CAMKMT: variants seen among roughly 807,000 people sequenced by gnomAD.
CAMKMT encodes CaM KMT.
CAMKMT carries 53 observed loss-of-function variants against 48.0 expected under a neutral mutation model. The observed-to-expected ratio is 1.10, with a 90% CI of 0.89 to 1.39. The LOEUF is 1.39. Ranked by LOEUF, CAMKMT falls within the 40% of genes most tolerant of loss-of-function variation. CAMKMT has a pLI of 0.00. For synonymous variants in CAMKMT, 165 were observed against 152.3 expected (o/e 1.08, Z -0.61); for missense variants, 428 against 402.7 (o/e 1.06, Z -0.54).
At chr2:44,419,163 A>G (rs1334272820) in intron 3 of CAMKMT, among the ~76,000 whole-genome samples, 2 of 152,236 alleles carry the variant, frequency 1.3e-5, no homozygotes, top group Non-Finnish European at 1.5e-5. Context: ...AACTAAAACT[A>G]CTTTTCCAGA....
At chr2:44,602,739 C>T (rs762220461) in intron 3 of CAMKMT, among the ~76,000 whole-genome samples, 7 of 151,996 alleles carry the variant, frequency 4.6e-5, no homozygotes, top group Non-Finnish European at 8.8e-5. Context: ...TATCAGATCT[C>T]ATGAGAACTC....
intron 3 of CAMKMT, among the ~76,000 whole-genome samples, chr2:44,555,327 C>G (rs6708106): frequency 0.018 from 2,718 of 152,220 alleles, 90 homozygotes; most frequent in African/African-American, 0.063. Context: ...GATTAGAAAG[C>G]TGTTGAAAGT....
At chr2:44,363,289 T>C (rs1558535613) in intron 1 of CAMKMT, among the ~76,000 whole-genome samples, 2 of 152,186 alleles carry the variant, frequency 1.3e-5, no homozygotes, top group African/African-American at 2.4e-5. Context: ...GAAGTATCTA[T>C]AATAAAGTAA....
intron 3 of CAMKMT, among the ~76,000 whole-genome samples, chr2:44,465,892 C>G (rs879669110): frequency 2.6e-5 from 4 of 152,122 alleles, no homozygotes; most frequent in Non-Finnish European, 4.4e-5. Flanking sequence ...GTTAGCCCTA[C>G]TTAGACAAAA....
intron 3 of CAMKMT, among the ~76,000 whole-genome samples, chr2:44,400,358 A>G (rs1682250842): frequency 6.6e-6 from 1 of 152,210 alleles, no homozygotes; most frequent in African/African-American, 2.4e-5. Flanking sequence ...TAGAGAAAAA[A>G]AAAATGATCT....
At chr2:44,771,957 G>A in intron 10 of CAMKMT, 79 bp from the exon 11 acceptor site, 1 of 961,564 alleles carries the variant, frequency 1.0e-6, no homozygotes, top group South Asian at 1.4e-5. Flanking sequence ...AAGTCATCAT[G>A]ATACTCAACA....
At chr2:44,436,110 C>T (rs958581328) in intron 3 of CAMKMT, among the ~76,000 whole-genome samples, 1 of 152,150 alleles carries the variant, frequency 6.6e-6, no homozygotes, top group African/African-American at 2.4e-5. Flanking sequence ...GAGTCTCCCT[C>T]TGTCACCCAG....
intron 3 of CAMKMT, among the ~76,000 whole-genome samples, chr2:44,407,370 A>C (rs1067318): frequency 0.75 from 113,521 of 151,998 alleles, 43,412 homozygotes; most frequent in African/African-American, 0.87. Context: ...CCCTGTGCAC[A>C]TGAGTCTCAG....
In CAMKMT at chr2:44,452,336, T is replaced by C. The variant is rs535336670; in HGVS notation, c.376+62031T>C. ...AGCTTCTAACTAGGCATAGCGCCAG[T>C]TATCTCATACTTGAGAGAGAATTTT... On this transcript the variant is annotated intron_variant, in intron 3 of 10. Coordinates refer to ENST00000378494, the MANE Select transcript of CAMKMT (RefSeq NM_024766.5). Among the ~76,000 whole-genome samples, 15 of 152,144 alleles carry C rather than the reference T, an allele frequency of 9.9e-5. No homozygotes were observed. The South Asian group carries it at 2.5e-3, about 25-fold the overall frequency.
At chr2:44,716,770 T>C (rs1678196167) in intron 7 of CAMKMT, among the ~76,000 whole-genome samples, 1 of 152,306 alleles carries the variant, frequency 6.6e-6, no homozygotes, top group South Asian at 2.1e-4. Flanking sequence ...CAAAAGTGCA[T>C]TTTCTATGTT....
intron 3 of CAMKMT, among the ~76,000 whole-genome samples, chr2:44,666,399 A>G (rs866846218): frequency 5.3e-5 from 8 of 152,224 alleles, no homozygotes; most frequent in South Asian, 4.1e-4. Flanking sequence ...GCTTGATGAA[A>G]AAGTCCAGGA....
chr2:44,399,010 A>G (rs1682115075), intron 3 of CAMKMT, among the ~76,000 whole-genome samples: 1 of 152,224 alleles, frequency 6.6e-6, no homozygotes, highest in Non-Finnish European at 1.5e-5. Context: ...GCAGGAAGGA[A>G]TAAGGAAAAG....
chr2:44,628,121 AT>A (rs1672599447), intron 3 of CAMKMT, among the ~76,000 whole-genome samples: 1 of 151,670 alleles, frequency 6.6e-6, no homozygotes, highest in Admixed American at 6.6e-5. Context: ...TAATTTTTAA[AT>A]TTTTTTGTAG....
chr2:44,362,288 C>A, intron 1 of CAMKMT, 143 bp downstream of exon 1: 1 of 660,786 alleles, frequency 1.5e-6, no homozygotes, highest in Non-Finnish European at 2.3e-6. Context: ...CGAAGCTCCC[C>A]CTCGCTTCAC....
chr2:44,435,575 T>G (rs973861483), intron 3 of CAMKMT, among the ~76,000 whole-genome samples: 1 of 152,220 alleles, frequency 6.6e-6, no homozygotes, highest in African/African-American at 2.4e-5. Context: ...GAAATAAAGG[T>G]GATCCGAGTG....
At chr2:44,471,533 G>C (rs1469509555) in intron 3 of CAMKMT, among the ~76,000 whole-genome samples, 1 of 151,962 alleles carries the variant, frequency 6.6e-6, no homozygotes, top group African/African-American at 2.4e-5. Flanking sequence ...CAAGGAGGTG[G>C]AGGCTGCAGA....
chr2:44,561,133 C>G (rs938161328), intron 3 of CAMKMT, among the ~76,000 whole-genome samples: 3 of 149,212 alleles, frequency 2.0e-5, no homozygotes, highest in Non-Finnish European at 4.5e-5. Flanking sequence ...ATTTTTTTTT[C>G]TTTCTTCTTG....
chr2:44,388,669 G>A (rs957249137), intron 2 of CAMKMT, among the ~76,000 whole-genome samples: 1 of 152,198 alleles, frequency 6.6e-6, no homozygotes, highest in African/African-American at 2.4e-5. Flanking sequence ...GCTGAAGGCT[G>A]TTGTTCAGAT....
intron 3 of CAMKMT, among the ~76,000 whole-genome samples, chr2:44,578,782 C>T (rs964641993): frequency 6.6e-6 from 1 of 152,040 alleles, no homozygotes; most frequent in Non-Finnish European, 1.5e-5. Flanking sequence ...CAACAAAAAG[C>T]AATCAAAGGG....
Sources: allele counts gnomAD v4.1 joint callset (sites outside exome capture counted in the v4.1 genomes callset), GRCh38; gene constraint gnomAD v4.1.1; transcripts MANE v1.5; gene names NCBI Gene and HGNC (gene_info 2026-07-23, HGNC 2026-07-21).